The following SBF2 variants were observed in gnomAD, a reference collection of about 807,000 sequenced individuals.
SBF2 encodes myotubularin-related protein 13.
Under a neutral mutation model 225.2 loss-of-function variants are expected in SBF2, and 112 were observed. That is an observed-to-expected ratio of 0.50 (90% CI 0.43 to 0.58). The LOEUF is 0.58. SBF2 is among the 20% of genes least tolerant of loss of function. SBF2 has a pLI of 0.00. For synonymous variants in SBF2, 763 were observed against 773.3 expected, an observed-to-expected ratio of 0.99 and a Z score of 0.22; for missense variants, 1,996 against 2,206.2, an observed-to-expected ratio of 0.90 and a Z score of 1.91.
At chr11:9,974,308 G>T (rs937957890) in intron 13 of SBF2, among the ~76,000 whole-genome samples, 2 of 152,012 alleles carry the variant, frequency 1.3e-5, no homozygotes, top group Admixed American at 6.6e-5. Context: ...ATAAAGAGTA[G>T]GTGTCTTGTG....
intron 1 of SBF2, among the ~76,000 whole-genome samples, chr11:10,270,383 TAGAGA>T (rs1194774820): frequency 2.6e-5 from 4 of 152,120 alleles, no homozygotes; most frequent in South Asian, 2.1e-4. Context: ...TAAAGCAGAC[TAGAGA>T]AAAGAAAATG....
At chr11:10,009,377 T>C (rs1948343160) in intron 6 of SBF2, among the ~76,000 whole-genome samples, 1 of 152,110 alleles carries the variant, frequency 6.6e-6, no homozygotes. Context: ...TCATCTACAT[T>C]AGGTATTTCT....
At chr11:10,168,672 G>A (rs1956070408) in intron 2 of SBF2, among the ~76,000 whole-genome samples, 1 of 152,236 alleles carries the variant, frequency 6.6e-6, no homozygotes, top group South Asian at 2.1e-4. Context: ...AATAGAATGA[G>A]TGGAAGATAT....
intron 2 of SBF2, among the ~76,000 whole-genome samples, chr11:10,134,368 C>T (rs1299451779): frequency 2.0e-5 from 3 of 151,486 alleles, no homozygotes; most frequent in Non-Finnish European, 2.9e-5. Context: ...TCTGCCCTGG[C>T]CCCCCCCAAA....
At chr11:10,092,555 T>A in intron 2 of SBF2, among the ~76,000 whole-genome samples, 1 of 152,228 alleles carries the variant, frequency 6.6e-6, no homozygotes, top group East Asian at 1.9e-4. Context: ...TGCAATCATA[T>A]AACTCCACTA....
chr11:10,295,336 A>G (rs1964466608), upstream of SBF2, among the ~76,000 whole-genome samples: 1 of 152,230 alleles, frequency 6.6e-6, no homozygotes, highest in African/African-American at 2.4e-5. Flanking sequence ...GGAAGCCGCA[A>G]TGGCTCCAAC....
intron 11 of SBF2, among the ~76,000 whole-genome samples, chr11:9,992,785 A>C (rs1219854146): frequency 2.0e-5 from 3 of 150,998 alleles, no homozygotes; most frequent in African/African-American, 7.3e-5. Flanking sequence ...CAATTTTAAA[A>C]GAAAAATTGA....
chr11:9,948,240 G>C (rs1865673738), intron 16 of SBF2, among the ~76,000 whole-genome samples: 1 of 151,902 alleles, frequency 6.6e-6, no homozygotes, highest in Non-Finnish European at 1.5e-5. Context: ...AGGTAGCATG[G>C]TGGTTGCCAG....
rs1001427208 is a variant in SBF2 at position 9,963,629 on chromosome 11, T to C, written c.1710+144A>G. 5.6e-5 allele frequency: 34 copies of C among 607,676 alleles called. No homozygotes were observed. In the South Asian group the frequency reaches 5.7e-4, roughly 10 times the overall value. 37.6% of individuals were successfully genotyped at this position (607,676 alleles called of 1,614,324 possible). ...CAACAGCTTTAAATCTTAGACACTA[T>C]TCATTTAAAATGATCCAAACAATGA... On this transcript the variant is annotated intron_variant, in intron 15 of 39. Transcript: ENST00000256190.
chr11:10,137,216 C>A lies in SBF2; in HGVS notation c.141+56686G>T, dbSNP rs549291079. ...TCCACATCTTCATTGACAGGATATACAAAAATACAATTAGTTTTTGTACGA... is the reference window on the plus strand; with the variant it reads ...TCCACATCTTCATTGACAGGATATAAAAAAATACAATTAGTTTTTGTACGA... On this transcript the variant is annotated intron_variant, in intron 2 of 39. Transcript: ENST00000256190. Among the ~76,000 whole-genome samples the A allele has an allele frequency of 1.1e-4, 17 of 152,224 alleles. No homozygotes were observed. In the South Asian group the frequency reaches 3.3e-3, roughly 30 times the overall value.
intron 13 of SBF2, among the ~76,000 whole-genome samples, chr11:9,981,216 T>C (rs1946943176): frequency 6.6e-6 from 1 of 152,184 alleles, no homozygotes; most frequent in African/African-American, 2.4e-5. Context: ...TCTTCTTCAC[T>C]ATTTCCTTAA....
intron 17 of SBF2, among the ~76,000 whole-genome samples, chr11:9,889,908 T>A (rs1388586817): frequency 6.6e-6 from 1 of 152,206 alleles, no homozygotes; most frequent in Non-Finnish European, 1.5e-5. Context: ...TATTTATTTC[T>A]ATTTTTTATT....
intron 17 of SBF2, among the ~76,000 whole-genome samples, chr11:9,876,940 T>C (rs1004641176): frequency 2.6e-5 from 4 of 152,208 alleles, no homozygotes; most frequent in African/African-American, 9.7e-5. Context: ...GGTTTCACCA[T>C]GTTGGCCAGG....
intron 1 of SBF2, among the ~76,000 whole-genome samples, chr11:10,264,657 T>C (rs765858122): frequency 3.3e-5 from 5 of 152,168 alleles, no homozygotes; most frequent in Non-Finnish European, 7.4e-5. Flanking sequence ...CATAGTTATA[T>C]ACATGCTACG....
intron 2 of SBF2, among the ~76,000 whole-genome samples, chr11:10,063,618 A>T (rs1313184705): frequency 6.6e-6 from 1 of 151,748 alleles, no homozygotes; most frequent in Non-Finnish European, 1.5e-5. Flanking sequence ...CGGCCTCCCA[A>T]AGTGCTGGGA....
intron 33 of SBF2, among the ~76,000 whole-genome samples, chr11:9,794,180 C>T (rs562637311): frequency 1.5e-4 from 22 of 151,458 alleles, no homozygotes; most frequent in African/African-American, 5.1e-4. Context: ...GACCCTGCCT[C>T]AAAAACAAAA....
chr11:9,963,383 T>C (rs1487804175), intron 15 of SBF2, among the ~76,000 whole-genome samples: 1 of 152,148 alleles, frequency 6.6e-6, no homozygotes, highest in East Asian at 1.9e-4. Context: ...GAGAATCGCT[T>C]GAACTTGGGA....
intron 2 of SBF2, among the ~76,000 whole-genome samples, chr11:10,178,351 A>G (rs1411010043): frequency 6.8e-6 from 1 of 147,320 alleles, no homozygotes; most frequent in Non-Finnish European, 1.5e-5. Flanking sequence ...ATGGGACCTC[A>G]TTACACTAAA....
chr11:10,072,593 T>C (rs1000150085), intron 2 of SBF2, among the ~76,000 whole-genome samples: 1 of 152,226 alleles, frequency 6.6e-6, no homozygotes, highest in African/African-American at 2.4e-5. Context: ...TTTCCTTTCT[T>C]GTAAATTATA....
Sources: gnomAD v4.1 joint callset for allele counts (sites outside exome capture counted in the v4.1 genomes callset) on GRCh38, gnomAD v4.1.1 for gene constraint, MANE v1.5 for transcripts, NCBI Gene and HGNC (gene_info 2026-07-23, HGNC 2026-07-21) for gene names.